Variants in LYPLA2 observed in about 807,000 individuals in gnomAD.
LYPLA2 encodes lysophospholipase 2.
In LYPLA2, 7 loss-of-function variants were observed where a neutral mutation model predicts 30.3. The observed-to-expected ratio is 0.23, with a 90% CI of 0.13 to 0.43. The LOEUF is 0.43. LYPLA2 is among the 20% of genes least tolerant of loss of function. LYPLA2 has a pLI of 1.00. For synonymous variants in LYPLA2, 112 were observed against 118.2 expected (o/e 0.95, Z 0.34); for missense variants, 206 against 307.9 (o/e 0.67, Z 2.48).
rs572503667 is a variant in LYPLA2, at chr1:23,795,148, T to C, written c.*416T>C. 28 of 358,170 alleles carry C rather than the reference T, an allele frequency of 7.8e-5. No individual in the cohort carries two copies. The highest frequency in any genetic ancestry group is 1.2e-4 in the Non-Finnish European group (22 of 183,654). The allele number at this position is 358,170 out of a possible 1,614,324, so 22.2% of individuals were successfully genotyped here. On this transcript the variant is annotated 3_prime_UTR_variant, in exon 10 of 10. Transcript: ENST00000374514. ...GCCCCAACTGATTCTGCCCAGATAA[T>C]CGTGTCTCCTGCCTCCACTCAGCTG... is the stretch of plus-strand genomic sequence containing the variant.
In LYPLA2 at chr1:23,793,624, G is replaced by C; in HGVS notation, c.177-81G>C. On this transcript the variant is annotated intron_variant, in intron 4 of 9. Transcript: ENST00000374514. This position sits in a 1 kb window ranked among gnomAD's most constrained non-coding sequence, Gnocchi z 6.0. ...CTGCTGGGAGGGGCCACCAGGGGCG[G>C]CGCGGCCCCACTCCGGGCTCTGAGC... 1 of 1,436,380 alleles carries C rather than the reference G, an allele frequency of 7.0e-7. No individual in the cohort carries two copies. Among genetic ancestry groups the C allele is most frequent in the Admixed American group, 1.7e-5 (1 of 59,696 alleles). 89.0% of individuals were successfully genotyped at this position (1,436,380 alleles called of 1,614,324 possible). A position where few individuals can be genotyped will look rare whatever the true frequency, so the allele number is the denominator to read the frequency against.
chr1:23,793,814 G>A lies in LYPLA2; in HGVS notation c.225-46G>A, dbSNP rs751122924. 3.7e-6 allele frequency: 6 copies of A among 1,611,604 alleles called. No homozygotes were observed. Among genetic ancestry groups the A allele is most frequent in the Non-Finnish European group, 4.2e-6 (5 of 1,177,824 alleles). On this transcript the variant is annotated intron_variant, in intron 5 of 9. Coordinates refer to ENST00000374514, the MANE Select transcript of LYPLA2 (RefSeq NM_007260.3). This position sits in a 1 kb window ranked among gnomAD's most constrained non-coding sequence, Gnocchi z 6.0. ...ACACTTGGGCTGAGGGAGCCACAGG[G>A]GGCTGGCTGGGGTTTTCTATAGCTG...
At position 23,793,623 on chromosome 1, in the gene LYPLA2, G is replaced by T. The variant is rs887350519; in HGVS notation, c.177-82G>T. The T allele has an allele frequency of 1.4e-6, 2 of 1,422,534 alleles. No individual in the cohort carries two copies. The highest frequency in any genetic ancestry group is 1.8e-4 in the Middle Eastern group (1 of 5,444). The allele number at this position is 1,422,534 out of a possible 1,614,324, so 88.1% of individuals were successfully genotyped here. A position where few individuals can be genotyped will look rare whatever the true frequency, so the allele number is the denominator to read the frequency against. ...CCTGCTGGGAGGGGCCACCAGGGGC[G>T]GCGCGGCCCCACTCCGGGCTCTGAG... is the stretch of plus-strand genomic sequence containing the variant. On this transcript the variant is annotated intron_variant, in intron 4 of 9. Transcript: ENST00000374514. The surrounding 1 kb of genome is among the most constrained non-coding windows in gnomAD (Gnocchi z 6.0).
Position 23,793,942 on chromosome 1 carries a change from G to C in LYPLA2, c.295+12G>C. On this transcript the variant is annotated intron_variant, in intron 6 of 9. Coordinates refer to ENST00000374514, the MANE Select transcript of LYPLA2 (RefSeq NM_007260.3). The surrounding 1 kb of genome is among the most constrained non-coding windows in gnomAD (Gnocchi z 6.0). ...GGCAGCAGAGAACAGTAAGACCCCAGCCCCTCCTCCACATCCTCCTTCCCC... is the reference window on the plus strand; with the variant it reads ...GGCAGCAGAGAACAGTAAGACCCCACCCCCTCCTCCACATCCTCCTTCCCC... 6.2e-7 allele frequency: 1 copy of C among 1,612,836 alleles called. No individual in the cohort carries two copies. The highest frequency in any genetic ancestry group is 2.2e-5 in the East Asian group (1 of 44,846).
Position 23,791,177 on chromosome 1 carries a change from C to G in LYPLA2, c.-100C>G, listed in dbSNP as rs902082375. 3 of 152,726 alleles carry G rather than the reference C, an allele frequency of 2.0e-5. No homozygotes were observed. The highest frequency in any genetic ancestry group is 7.2e-5 in the African/African-American group (3 of 41,434). 9.5% of individuals were successfully genotyped at this position (152,726 alleles called of 1,614,324 possible). ...GAACGGAAGTTCCGGCGGGGGCGGC[C>G]GAGGGGGAAGAGTGTGTCTGCGGGA... is the stretch of plus-strand genomic sequence containing the variant. On this transcript the variant is annotated 5_prime_UTR_variant, in exon 1 of 10. Transcript: ENST00000374514.
Position 23,795,010 on chromosome 1 carries a change from G to A in LYPLA2, c.*278G>A. On this transcript the variant is annotated 3_prime_UTR_variant, in exon 10 of 10. Transcript: ENST00000374514. The stretch of plus-strand genomic sequence containing the variant: ...AGTATTGGAGGGGCTACAGGCAGCT[G>A]GAGAAAGGGGCCCAGCCGCTGACCC... 1 of 652,606 alleles carries A rather than the reference G, an allele frequency of 1.5e-6. No homozygotes were observed. Among genetic ancestry groups the A allele is most frequent in the South Asian group, 1.5e-5 (1 of 65,836 alleles). 40.4% of individuals were successfully genotyped at this position (652,606 alleles called of 1,614,324 possible).
Position 23,794,571 on chromosome 1 carries a change from C to G in LYPLA2, c.616C>G (p.Pro206Ala). The change falls in exon 9 of 10, where the codon CCG (proline) becomes GCG (alanine). Residue 206 changes from proline (P) to alanine (A), a missense_variant. By Grantham distance (27) the Pro-to-Ala change is conservative (BLOSUM62 -1). Coordinates refer to ENST00000374514, the MANE Select transcript of LYPLA2 (RefSeq NM_007260.3). This position sits in a 1 kb window ranked among gnomAD's most constrained non-coding sequence, Gnocchi z 5.9. ...TGCCAGGGTCCAGTTCAAGACATAC[C>G]CGGGTGTCATGCACAGCTCCTGTCC... ...TPARVQFKTY[P>A]GVMHSSCPQE... 2.0e-5 allele frequency: 33 copies of G among 1,614,124 alleles called. No individual in the cohort carries two copies. The highest frequency in any genetic ancestry group is 2.6e-5 in the Non-Finnish European group (31 of 1,180,000).
At chr1:23,792,063 TGGA>T (rs1638804662) in intron 1 of LYPLA2, 1 of 144,532 alleles carries the variant, frequency 6.9e-6, no homozygotes, top group African/African-American at 2.6e-5. Context: ...TGGGGGTGGG[TGGA>T]GTTCTTACGC....
In LYPLA2 at chr1:23,794,277, C is replaced by T; in HGVS notation, c.423C>T (p.Gly141=). The T allele has an allele frequency of 1.2e-6, 2 of 1,612,456 alleles. No homozygotes were observed. The highest frequency in any genetic ancestry group is 1.7e-6 in the Non-Finnish European group (2 of 1,179,892). ...TCACCTGCCCCCACCCTCTGGCTGG[C>T]ATCGTGGCGTTGAGCTGCTGGCTGC... is the stretch of plus-strand genomic sequence containing the variant. ...TALTCPHPLA[G]IVALSCWLPL... Residue 141 remains glycine (G), a synonymous_variant, in exon 8 of 10, where the codon GGC becomes GGT. Coordinates refer to ENST00000374514, the MANE Select transcript of LYPLA2 (RefSeq NM_007260.3). The surrounding 1 kb of genome is among the most constrained non-coding windows in gnomAD (Gnocchi z 5.9).
At chr1:23,792,902 C>T (rs1638826981) in intron 2 of LYPLA2, 106 bp from the exon 3 acceptor site, 1 of 1,375,056 alleles carries the variant, frequency 7.3e-7, no homozygotes, top group African/African-American at 1.4e-5. Flanking sequence ...ACCTGTTTGG[C>T]TGCTACCTGG....
At chr1:23,792,941 G>A in intron 2 of LYPLA2, 67 bp from the exon 3 acceptor site, 10 of 1,548,368 alleles carry the variant, frequency 6.5e-6, no homozygotes, top group Non-Finnish European at 8.8e-6. Flanking sequence ...GGGTGGGGGA[G>A]GGGTGGGCAG....
intron 1 of LYPLA2, 197 bp from the exon 2 acceptor site, chr1:23,792,460 G>C: frequency 1.8e-6 from 1 of 567,160 alleles, no homozygotes; most frequent in Non-Finnish European, 3.1e-6. Context: ...TGGGCCACTA[G>C]GGAGGCTGTC....
chr1:23,792,681 G>A lies in LYPLA2; in HGVS notation c.-2G>A, dbSNP rs143150686. The A allele has an allele frequency of 7.5e-5, 121 of 1,611,704 alleles. 1 individual carries two copies. Among genetic ancestry groups the A allele is most frequent in the East Asian group, 4.5e-5 (2 of 44,868 alleles). ...GGCCCCCGCCGTGGAGCCGTGTGGT[G>A]TATGTGTGGTAACACCATGTCTGTG... On this transcript the variant is annotated 5_prime_UTR_variant, in exon 2 of 10. Transcript: ENST00000374514.
In LYPLA2 at chr1:23,794,601, G is replaced by T; in HGVS notation, c.645+1G>T. The T allele has an allele frequency of 1.2e-6, 2 of 1,614,126 alleles. No homozygotes were observed. The highest frequency in any genetic ancestry group is 1.7e-6 in the Non-Finnish European group (2 of 1,179,990). ...TGTCATGCACAGCTCCTGTCCTCAG[G>T]TCAGTGGGGGGACCATTTCCCACTC... On this transcript the variant is annotated splice_donor_variant, in intron 9 of 9. Transcript: ENST00000374514. LOFTEE classifies it high-confidence loss of function. This position sits in a 1 kb window ranked among gnomAD's most constrained non-coding sequence, Gnocchi z 5.9.
Position 23,793,216 on chromosome 1 carries a change from C to T in LYPLA2, c.176C>T (p.Ala59Val), listed in dbSNP as rs1638835652. ...CACGTCAAGTACATCTGTCCCCATG[C>T]GTGAGTGTCACCCCAGCAAGGGAGG... Reference protein sequence around the residue: ...LPHVKYICPHAPRIPVTLNMK... With the variant: ...LPHVKYICPHVPRIPVTLNMK... Residue 59 changes from alanine to valine, a missense_variant and splice_region_variant, in exon 4 of 10, where the codon GCG becomes GTG. By Grantham distance (64) the Ala-to-Val change is moderately conservative. Transcript: ENST00000374514. The surrounding 1 kb of genome is among the most constrained non-coding windows in gnomAD (Gnocchi z 6.0). 2 of 1,613,392 alleles carry T rather than the reference C, an allele frequency of 1.2e-6. No homozygotes were observed. The highest frequency in any genetic ancestry group is 1.7e-6 in the Non-Finnish European group (2 of 1,179,814).
At position 23,793,547 on chromosome 1, in the gene LYPLA2, C is replaced by A; in HGVS notation, c.177-158C>A. The A allele has an allele frequency of 2.6e-6, 2 of 773,288 alleles. No homozygotes were observed. The highest frequency in any genetic ancestry group is 3.1e-5 in the South Asian group (2 of 64,072). The allele number at this position is 773,288 out of a possible 1,614,324, so 47.9% of individuals were successfully genotyped here. ...ACTGGCGCTTTGCCCCAACCACAGC[C>A]TCCAGCCCCACGTGGCAGGTTGCCT... On this transcript the variant is annotated intron_variant, in intron 4 of 9. Coordinates refer to ENST00000374514, the MANE Select transcript of LYPLA2 (RefSeq NM_007260.3). This position sits in a 1 kb window ranked among gnomAD's most constrained non-coding sequence, Gnocchi z 6.0.
Position 23,794,161 on chromosome 1 carries a change from AG to A in LYPLA2, c.369+30del, listed in dbSNP as rs760250634. On this transcript the variant is annotated intron_variant, in intron 7 of 9. Transcript: ENST00000374514. This position sits in a 1 kb window ranked among gnomAD's most constrained non-coding sequence, Gnocchi z 5.9. ...GGTGAGGGGAGAGGGGTGGGGGGGTAGGGGGTAGGGGTGGCCGGTGAGTGAG... is the reference window on the plus strand; with the variant it reads ...GGTGAGGGGAGAGGGGTGGGGGGGTAGGGGTAGGGGTGGCCGGTGAGTGAG... 1.3e-3 allele frequency: 257 copies of A among 190,376 alleles called. No individual in the cohort carries two copies. The highest frequency in any genetic ancestry group is 5.3e-3 in the African/African-American group (107 of 20,240). 11.8% of individuals were successfully genotyped at this position (190,376 alleles called of 1,614,324 possible).
chr1:23,793,779 G>A lies in LYPLA2; in HGVS notation c.224+27G>A. ...TGAGTTTGGGAGTGGGGGTGGGCAG[G>A]GGGACGAGGACACTTGGGCTGAGGG... On this transcript the variant is annotated intron_variant, in intron 5 of 9. Coordinates refer to ENST00000374514, the MANE Select transcript of LYPLA2 (RefSeq NM_007260.3). This position sits in a 1 kb window ranked among gnomAD's most constrained non-coding sequence, Gnocchi z 6.0. 1 of 1,613,816 alleles carries A rather than the reference G, an allele frequency of 6.2e-7. No individual in the cohort carries two copies. Among genetic ancestry groups the A allele is most frequent in the South Asian group, 1.1e-5 (1 of 91,076 alleles).
intron 1 of LYPLA2, among the ~76,000 whole-genome samples, chr1:23,792,323 G>T (rs1244857188): frequency 6.6e-6 from 1 of 152,088 alleles, no homozygotes; most frequent in African/African-American, 2.4e-5. Flanking sequence ...AGGAGTTAGA[G>T]GGGGAATGAA....
Sources: gnomAD v4.1 joint callset for allele counts (sites outside exome capture counted in the v4.1 genomes callset) on GRCh38, gnomAD v4.1.1 for gene constraint, Gnocchi (gnomAD v3.1) non-coding constraint, MANE v1.5 for transcripts, NCBI Gene and HGNC (gene_info 2026-07-23, HGNC 2026-07-21) for gene names.